SRSF7: variants seen among roughly 807,000 people sequenced by gnomAD.
SRSF7 encodes serine/arginine-rich splicing factor 7.
A neutral mutation model predicts 42.2 loss-of-function variants in SRSF7; 15 were observed. The observed-to-expected ratio is 0.36, with a 90% CI of 0.24 to 0.55. The LOEUF is 0.55. Ranked by LOEUF, SRSF7 falls within the 20% of genes least tolerant of loss-of-function variation. SRSF7 has a pLI of 0.88. For missense variants in SRSF7, 181 were observed against 305.9 expected, an observed-to-expected ratio of 0.59 and a Z score of 3.04; for synonymous variants, 138 against 107.9, an observed-to-expected ratio of 1.28 and a Z score of -1.73.
intron 7 of SRSF7, among the ~76,000 whole-genome samples, chr2:38,745,673 A>T (rs891854379): frequency 7.9e-5 from 12 of 152,180 alleles, no homozygotes; most frequent in Non-Finnish European, 1.5e-4. Context: ...AAAAAAAATT[A>T]GGCTATCCTC....
Position 38,750,054 on chromosome 2 carries a change from G to A in SRSF7, c.169C>T (p.Pro57Ser). The A allele has an allele frequency of 6.2e-7, 1 of 1,613,554 alleles. No individual in the cohort carries two copies. Among genetic ancestry groups the A allele is most frequent in the South Asian group, 1.1e-5 (1 of 90,978 alleles). ...PGFAFVEFED[P>S]RDAEDAVRGL... The stretch of plus-strand genomic sequence containing the variant: ...CGTACTGCATCTTCTGCATCTCTAG[G>A]ATCTTCGAATTCCACAAAGGCAAAT... Residue 57 changes from proline to serine, a missense_variant, in exon 2 of 8, where the codon CCT becomes TCT. Physicochemically the swap from Pro to Ser is moderately conservative, Grantham distance 74. This residue lies in a region of SRSF7 where 45 missense variants were observed against 158.1 expected (regional missense o/e 0.28). Coordinates refer to ENST00000313117, the MANE Select transcript of SRSF7 (RefSeq NM_001031684.3).
chr2:38,751,016 T>C (rs1197306771), intron 1 of SRSF7: 27 of 579,740 alleles, frequency 4.7e-5, no homozygotes, highest in Non-Finnish European at 6.8e-5. Context: ...GCCACAAAAA[T>C]GCCCAAGAGT....
At chr2:38,746,837 T>G in intron 5 of SRSF7, 90 bp from the exon 6 acceptor site, 1 of 1,568,264 alleles carries the variant, frequency 6.4e-7, no homozygotes, top group Non-Finnish European at 8.6e-7. Context: ...TGGTCAGGCA[T>G]AAAGAAGCTA....
At chr2:38,751,109 G>T (rs1668283066) in intron 1 of SRSF7, 120 bp downstream of exon 1, 2 of 1,341,826 alleles carry the variant, frequency 1.5e-6, no homozygotes, top group Non-Finnish European at 2.1e-6. Context: ...CGTCTGGCGT[G>T]CTCCTAAGCC....
upstream of SRSF7, chr2:38,751,369 A>T: frequency 6.8e-7 from 1 of 1,469,740 alleles, no homozygotes; most frequent in Non-Finnish European, 9.4e-7. Flanking sequence ...TACGAGGAAG[A>T]GCCCGGGTTC....
chr2:38,749,556 T>A lies in SRSF7; in HGVS notation c.359A>T (p.His120Leu). ...GEKGHYAYDC[H>L]RYSRRRRSRS... is the part of the protein sequence containing the mutation. ...GCTTCTTCTTCGCCGGCTGTAACGA[T>A]GACAATCATAAGCATAATGTCCCTT... The change falls in exon 3 of 8, where the codon CAT (histidine) becomes CTT (leucine). Residue 120 changes from histidine to leucine, a missense_variant. Transcript: ENST00000313117. 6.3e-7 allele frequency: 1 copy of A among 1,582,654 alleles called. No individual in the cohort carries two copies. Among genetic ancestry groups the A allele is most frequent in the Non-Finnish European group, 8.6e-7 (1 of 1,168,552 alleles).
Position 38,748,148 on chromosome 2 carries a change from T to G in SRSF7, c.471A>C (p.Ser157=). 1 of 1,611,264 alleles carries G rather than the reference T, an allele frequency of 6.2e-7. No individual in the cohort carries two copies. Among genetic ancestry groups the G allele is most frequent in the Non-Finnish European group, 8.5e-7 (1 of 1,178,848 alleles). The change falls in exon 5 of 8, where the codon TCA becomes TCC. Residue 157 remains serine (S), a synonymous_variant. Coordinates refer to ENST00000313117, the MANE Select transcript of SRSF7 (RefSeq NM_001031684.3). ...TAGATCTTGATCGTCGAGGAGATGC[T>G]GACCTTGACCTAAAATAAAGAACTT... ...RSRSRGRRSR[S]ASPRRSRSIS...
intron 5 of SRSF7, chr2:38,746,959 G>T: frequency 1.3e-6 from 1 of 750,762 alleles, no homozygotes; most frequent in African/African-American, 1.8e-5. Flanking sequence ...CACTCAATTG[G>T]TTAGTTTCTG....
chr2:38,746,634 TG>T, intron 6 of SRSF7, 59 bp downstream of exon 6: 1 of 1,600,940 alleles, frequency 6.2e-7, no homozygotes, highest in Non-Finnish European at 8.5e-7. Context: ...AAAAACACTT[TG>T]AACTCTTTGG....
chr2:38,744,392 A>T lies in SRSF7; in HGVS notation c.*741T>A. On this transcript the variant is annotated 3_prime_UTR_variant, in exon 8 of 8. Coordinates refer to ENST00000313117, the MANE Select transcript of SRSF7 (RefSeq NM_001031684.3). ...TGGTTAACTAATGTAGAAAGCAAAG[A>T]AACAAGACCATTGAGAGTAGAACTC... 6.6e-6 allele frequency: 1 copy of T among 152,644 alleles called. No individual in the cohort carries two copies. Among genetic ancestry groups the T allele is most frequent in the South Asian group, 2.1e-4 (1 of 4,832 alleles). The allele number at this position is 152,644 out of a possible 1,614,324, so 9.5% of individuals were successfully genotyped here.
Position 38,746,742 on chromosome 2 carries a change from G to T in SRSF7, c.578C>A (p.Pro193Gln). The T allele has an allele frequency of 1.2e-6, 2 of 1,613,386 alleles. No homozygotes were observed. The highest frequency in any genetic ancestry group is 3.3e-5 in the Admixed American group (2 of 59,898). The change falls in exon 6 of 8, where the codon CCG becomes CAG. Residue 193 changes from proline (P) to glutamine (Q), a missense_variant. Pro to Gln is a moderately conservative substitution (Grantham distance 76, BLOSUM62 -1). This residue lies in a region of SRSF7 where 136 missense variants were observed against 147.8 expected (regional missense o/e 0.92). Transcript: ENST00000313117. ...SIKGSRYFQS[P>Q]SRSRSRSRSI... ...CCTGGATCTTGATCTTGACCTCGAC[G>T]GGGATCTTAATAAAAAAAGTGAAAA...
chr2:38,749,210 C>G (rs1308125241), intron 3 of SRSF7: 12 of 1,346,548 alleles, frequency 8.9e-6, no homozygotes, highest in Non-Finnish European at 1.1e-5. Context: ...GTAGATGACT[C>G]GAGGGGATCT....
At position 38,749,107 on chromosome 2, in the gene SRSF7, C is replaced by A; in HGVS notation, c.386+422G>T. 2.5e-5 allele frequency: 33 copies of A among 1,315,622 alleles called. No homozygotes were observed. In the South Asian group the frequency reaches 3.7e-4, roughly 15 times the overall value. The allele number at this position is 1,315,622 out of a possible 1,614,324, so 81.5% of individuals were successfully genotyped here. A position where few individuals can be genotyped will look rare whatever the true frequency, so the allele number is the denominator to read the frequency against. The stretch of plus-strand genomic sequence containing the variant: ...TCAATCTGGTGTTCCTCTTTCTAAA[C>A]CGGAGGGGGGCCCCAATTGTAAGCC... On this transcript the variant is annotated intron_variant, in intron 3 of 7. Coordinates refer to ENST00000313117, the MANE Select transcript of SRSF7 (RefSeq NM_001031684.3).
Position 38,748,167 on chromosome 2 carries a change from A to G in SRSF7, c.462-10T>C, listed in dbSNP as rs1293886369. 2 of 1,602,948 alleles carry G rather than the reference A, an allele frequency of 1.2e-6. No homozygotes were observed. The highest frequency in any genetic ancestry group is 1.1e-5 in the South Asian group (1 of 88,410). On this transcript the variant is annotated splice_polypyrimidine_tract_variant and intron_variant, in intron 4 of 7. Coordinates refer to ENST00000313117, the MANE Select transcript of SRSF7 (RefSeq NM_001031684.3). The stretch of plus-strand genomic sequence containing the variant: ...AGATGCTGACCTTGACCTAAAATAA[A>G]GAACTTTAAGTCCATCTCCACAGTT...
chr2:38,746,214 G>C (rs763123572), intron 6 of SRSF7, 35 bp from the exon 7 acceptor site: 1 of 1,611,860 alleles, frequency 6.2e-7, no homozygotes, highest in East Asian at 2.2e-5. Flanking sequence ...TAAAGAAAGA[G>C]TACTAACCAA....
At chr2:38,751,448 C>T (rs1668355664), upstream of SRSF7, 3 of 725,198 alleles carry the variant, frequency 4.1e-6, no homozygotes, top group Non-Finnish European at 4.5e-6. Flanking sequence ...CACAAAGGAG[C>T]TGGGCGGAAA....
In SRSF7 at chr2:38,748,568, C is replaced by A. The variant is rs932162372; in HGVS notation, c.461+11G>T. 6.2e-7 allele frequency: 1 copy of A among 1,613,178 alleles called. No homozygotes were observed. Among genetic ancestry groups the A allele is most frequent in the Non-Finnish European group, 8.5e-7 (1 of 1,179,350 alleles). On this transcript the variant is annotated intron_variant, in intron 4 of 7. Coordinates refer to ENST00000313117, the MANE Select transcript of SRSF7 (RefSeq NM_001031684.3). ...ATAATACAGAAAGACTTCAGTTAAA[C>A]AAGATCTCACCTTCGTCCCCTGCTC...
In SRSF7 at chr2:38,745,989, C is replaced by A. The variant is rs73930956; in HGVS notation, c.662+155G>T. Among the ~76,000 whole-genome samples, 547 of 144,560 alleles carry A rather than the reference C, an allele frequency of 3.8e-3. 5 individuals are homozygous for A. Among genetic ancestry groups the A allele is most frequent in the African/African-American group, 0.013 (524 of 39,642 alleles). The allele number at this position is 144,560 out of a possible 152,430, so 94.8% of individuals were successfully genotyped here. A position where few individuals can be genotyped will look rare whatever the true frequency, so the allele number is the denominator to read the frequency against. On this transcript the variant is annotated intron_variant, in intron 7 of 7. Transcript: ENST00000313117. ...AAAGTATAAACTAATGTTACTGAAT[C>A]AAAAAAAAAAAGTATTTCAGAAACT... is the stretch of plus-strand genomic sequence containing the variant.
chr2:38,747,938 A>G (rs1667716269), intron 5 of SRSF7, 109 bp downstream of exon 5: 2 of 734,122 alleles, frequency 2.7e-6, no homozygotes, highest in East Asian at 5.5e-5. Context: ...CCAAACTTTT[A>G]CATCTCAAAT....
Sources: allele counts gnomAD v4.1 joint callset (sites outside exome capture counted in the v4.1 genomes callset), GRCh38; gene constraint gnomAD v4.1.1; regional missense constraint gnomAD v4.1.1; transcripts MANE v1.5; gene names NCBI Gene and HGNC (gene_info 2026-07-23, HGNC 2026-07-21).